SASH1: variants seen among roughly 807,000 people sequenced by gnomAD.
SASH1 encodes the protein SAM and SH3 domain containing 1.
In SASH1, 44 loss-of-function variants were observed where a neutral mutation model predicts 125.2. The observed-to-expected ratio is 0.35, with a 90% confidence interval of 0.28 to 0.45. The LOEUF is 0.45. Ranked by LOEUF, SASH1 falls within the 20% of genes least tolerant of loss-of-function variation. The pLI is 1.00. For missense variants in SASH1, 1,426 were observed against 1,614.5 expected (o/e 0.88, Z 2.00); for synonymous variants, 639 against 649.1 (o/e 0.98, Z 0.24).
intron 1 of SASH1, among the ~76,000 whole-genome samples, chr6:148,324,118 C>CAAA (rs56950339): frequency 1.7e-4 from 10 of 59,442 alleles, no homozygotes; most frequent in African/African-American, 7.1e-4. Flanking sequence ...GAATCTGTCT[C>CAAA]AAAAAAAAAA....
At chr6:148,307,383 T>C (rs12529582) in intron 1 of SASH1, among the ~76,000 whole-genome samples, 10,608 of 152,098 alleles carry the variant, frequency 0.07, 597 homozygotes, top group East Asian at 0.28. Context: ...CCCAAAGTGC[T>C]GGAATTACAG....
chr6:148,243,635 CTG>C, the SASH1 span, among the ~76,000 whole-genome samples: 6 of 69,804 alleles, frequency 8.6e-5, no homozygotes, highest in African/African-American at 3.5e-4. Flanking sequence ...CAGAGTAAAA[CTG>C]TGAAACTGTG....
chr6:148,242,969 T>C, the SASH1 span, among the ~76,000 whole-genome samples: 1 of 152,152 alleles, frequency 6.6e-6, no homozygotes, highest in Non-Finnish European at 1.5e-5. Flanking sequence ...TCCCATAGGT[T>C]GGCTACCTCT....
chr6:148,243,796 G>A, the SASH1 span, among the ~76,000 whole-genome samples: 1 of 152,090 alleles, frequency 6.6e-6, no homozygotes, highest in African/African-American at 2.4e-5. Flanking sequence ...GTAATTGGGA[G>A]ACTATGGAAA....
the SASH1 span, among the ~76,000 whole-genome samples, chr6:148,211,423 T>C: frequency 6.7e-6 from 1 of 149,324 alleles, no homozygotes; most frequent in East Asian, 1.9e-4. Flanking sequence ...ATATAAAAAT[T>C]ATCCAGGTGT....
chr6:148,355,239 CCTT>C (rs1273930164), intron 1 of SASH1, among the ~76,000 whole-genome samples: 3 of 152,030 alleles, frequency 2.0e-5, no homozygotes, highest in South Asian at 2.1e-4. Context: ...TTAAAAAAAA[CCTT>C]CTCAGAATGT....
At chr6:148,216,484 T>C in the SASH1 span, among the ~76,000 whole-genome samples, 9 of 152,208 alleles carry the variant, frequency 5.9e-5, no homozygotes, top group African/African-American at 2.2e-4. Context: ...CAAATGATAT[T>C]GTTATTCTAA....
At chr6:148,350,392 G>A (rs894498148) in intron 1 of SASH1, among the ~76,000 whole-genome samples, 10 of 152,132 alleles carry the variant, frequency 6.6e-5, no homozygotes, top group African/African-American at 2.4e-4. Flanking sequence ...CCTTAAAAGG[G>A]GGAATTATTA....
rs147372662 is a variant in SASH1, at chr6:148,469,536, T to C, written c.427+951T>C. Among the ~76,000 whole-genome samples, 305 of 152,098 alleles carry C rather than the reference T, an allele frequency of 2.0e-3. 2 individuals carry two copies. The highest frequency in any genetic ancestry group is 5.8e-3 in the African/African-American group (240 of 41,488). On this transcript the variant is annotated intron_variant, in intron 5 of 19. Transcript: ENST00000367467. ...TTACTTGAGCCCAGGAGTTCGAGAC[T>C]GACCTGGGCAACATAGCAAGATGCT...
At position 148,358,252 on chromosome 6, in the gene SASH1, G is replaced by A. The variant is rs191439076; in HGVS notation, c.156+15029G>A. The stretch of plus-strand genomic sequence containing the variant: ...ATGTATAAAGAAGATAATCCAGGGC[G>A]AGAGTTGCTCAAGGACTGTAGGTCA... On this transcript the variant is annotated intron_variant, in intron 1 of 19. Transcript: ENST00000367467. 4.5e-4 allele frequency among the ~76,000 whole-genome samples: 69 copies of A among 152,228 alleles called. 1 individual carries two copies. Among genetic ancestry groups the A allele is most frequent in the Non-Finnish European group, 1.5e-4 (10 of 68,020 alleles).
At chr6:148,308,181 GTA>G (rs960948521) in intron 1 of SASH1, among the ~76,000 whole-genome samples, 15 of 151,998 alleles carry the variant, frequency 9.9e-5, no homozygotes, top group African/African-American at 3.6e-4. Flanking sequence ...GTACGTGTGT[GTA>G]TGCATGCACA....
At chr6:148,410,518 A>G (rs1283017598) in intron 2 of SASH1, among the ~76,000 whole-genome samples, 4 of 152,180 alleles carry the variant, frequency 2.6e-5, no homozygotes, top group Non-Finnish European at 5.9e-5. Context: ...ATCTCAAAAG[A>G]GATTACTAGT....
chr6:148,458,979 AGT>A (rs1777484646), intron 4 of SASH1, among the ~76,000 whole-genome samples: 7 of 103,722 alleles, frequency 6.7e-5, no homozygotes, highest in South Asian at 3.7e-4. Context: ...AAAAAAAAAA[AGT>A]ATACACACAC....
In SASH1 at chr6:148,543,952, C is replaced by T. The variant is rs147972493; in HGVS notation, c.2482C>T (p.Pro828Ser). The T allele has an allele frequency of 1.4e-3, 2,315 of 1,614,150 alleles. 3 individuals carry two copies. The highest frequency in any genetic ancestry group is 3.8e-3 in the South Asian group (343 of 91,078). The change falls in exon 18 of 20, where the codon CCC becomes TCC. Residue 828 changes from proline to serine, a missense_variant. Coordinates refer to ENST00000367467, the MANE Select transcript of SASH1 (RefSeq NM_015278.5). ...ICRSCETLEG[P>S]QTVDTWPRSH... is the part of the protein sequence containing the mutation. Reference sequence around the variant, plus strand: ...CCGGAGCTGTGAGACCCTGGAGGGCCCCCAGACTGTGGACACTTGGCCCCG... The same window carrying T: ...CCGGAGCTGTGAGACCCTGGAGGGCTCCCAGACTGTGGACACTTGGCCCCG...
At chr6:148,356,494 C>A (rs1031642929) in intron 1 of SASH1, among the ~76,000 whole-genome samples, 1 of 116,284 alleles carries the variant, frequency 8.6e-6, no homozygotes, top group Non-Finnish European at 1.7e-5. Flanking sequence ...ACTTTTAGTT[C>A]TTTTTTTTTT....
intron 8 of SASH1, chr6:148,508,944 T>C (rs1041111237): frequency 2.5e-6 from 2 of 786,250 alleles, no homozygotes; most frequent in South Asian, 1.4e-5. Context: ...GTAAAAGTTT[T>C]TGCTGCTCCT....
intron 9 of SASH1, among the ~76,000 whole-genome samples, chr6:148,518,536 A>G (rs537832998): frequency 6.6e-6 from 1 of 152,168 alleles, no homozygotes; most frequent in African/African-American, 2.4e-5. Flanking sequence ...TTAACCACAC[A>G]CTGGCGCCCT....
At chr6:148,345,751 C>T (rs1741656364) in intron 1 of SASH1, among the ~76,000 whole-genome samples, 1 of 152,156 alleles carries the variant, frequency 6.6e-6, no homozygotes, top group South Asian at 2.1e-4. Flanking sequence ...AATCATCTAT[C>T]AATCTAGACA....
At chr6:148,471,174 T>C (rs905594405) in intron 5 of SASH1, among the ~76,000 whole-genome samples, 5 of 151,984 alleles carry the variant, frequency 3.3e-5, no homozygotes, top group African/African-American at 1.2e-4. Flanking sequence ...TTTTTGATGT[T>C]TCCGTTTCTC....
Sources: allele counts gnomAD v4.1 joint callset (sites outside exome capture counted in the v4.1 genomes callset), GRCh38; gene constraint gnomAD v4.1.1; transcripts MANE v1.5; gene names NCBI Gene and HGNC (gene_info 2026-07-23, HGNC 2026-07-21).